Variants in CDH13 observed in about 807,000 individuals in gnomAD.
The protein encoded by CDH13 is cadherin-13.
In CDH13, 24 loss-of-function variants were observed where a neutral mutation model predicts 63.8. That is an observed-to-expected ratio of 0.38 (90% CI 0.27 to 0.53). The LOEUF (loss-of-function observed/expected upper bound fraction) is 0.53, where lower values mean the gene tolerates loss of function less well. CDH13 is among the 20% of genes least tolerant of loss of function. The pLI is 0.85. For missense variants in CDH13, 1,049 were observed against 903.1 expected (o/e 1.16, Z -2.07); for synonymous variants, 503 against 355.3 (o/e 1.42, Z -4.67).
At chr16:82,657,951 G>T (rs75049026) in intron 1 of CDH13, among the ~76,000 whole-genome samples, 2,418 of 152,296 alleles carry the variant, frequency 0.016, 40 homozygotes, top group Middle Eastern at 0.044. Context: ...CCAGGACGAT[G>T]TTGAAAAACA....
At chr16:82,874,989 AC>A (rs1410268662) in intron 2 of CDH13, among the ~76,000 whole-genome samples, 1 of 152,158 alleles carries the variant, frequency 6.6e-6, no homozygotes, top group Non-Finnish European at 1.5e-5. Context: ...ATGGGCTAGG[AC>A]CAGGCTTTTG....
At chr16:82,667,258 G>A (rs559939999) in intron 1 of CDH13, among the ~76,000 whole-genome samples, 1 of 152,136 alleles carries the variant, frequency 6.6e-6, no homozygotes, top group Non-Finnish European at 1.5e-5. Context: ...CATTTCTATC[G>A]TATTAGGGAG....
chr16:83,354,987 G>A (rs936531895), intron 6 of CDH13, among the ~76,000 whole-genome samples: 1 of 152,184 alleles, frequency 6.6e-6, no homozygotes, highest in African/African-American at 2.4e-5. Context: ...TGTAATACCT[G>A]ATCCTCTGCA....
intron 1 of CDH13, among the ~76,000 whole-genome samples, chr16:82,739,834 G>A (rs2033850666): frequency 6.6e-6 from 1 of 152,122 alleles, no homozygotes; most frequent in South Asian, 2.1e-4. Flanking sequence ...TATTCAGAAT[G>A]CAATATTGTG....
chr16:83,356,211 CATGTGT>C lies in CDH13; in HGVS notation c.781+11206_781+11211del, dbSNP rs1315661198. Among the ~76,000 whole-genome samples, 432 of 60,780 alleles carry C rather than the reference CATGTGT, an allele frequency of 7.1e-3. 4 individuals carry two copies. Among genetic ancestry groups the C allele is most frequent in the East Asian group, 0.048 (104 of 2,186 alleles). The allele number at this position is 60,780 out of a possible 152,430, so 39.9% of individuals were successfully genotyped here. A position where few individuals can be genotyped will look rare whatever the true frequency, so the allele number is the denominator to read the frequency against. On this transcript the variant is annotated intron_variant, in intron 6 of 13. Transcript: ENST00000567109. ...ACAGATGAGTGAGTTTATTTATTTT[CATGTGT>C]GTGTGTGTGTGTGTGTGTGTGTGTG...
chr16:83,544,397 C>G (rs1223803646), intron 7 of CDH13, among the ~76,000 whole-genome samples: 1 of 151,932 alleles, frequency 6.6e-6, no homozygotes, highest in African/African-American at 2.4e-5. Flanking sequence ...CCCGATAAAC[C>G]CATCGTAAGT....
chr16:83,369,294 A>T (rs1285007740), intron 6 of CDH13, among the ~76,000 whole-genome samples: 1 of 152,002 alleles, frequency 6.6e-6, no homozygotes, highest in African/African-American at 2.4e-5. Flanking sequence ...TATCTCTCCA[A>T]CAAACAAGTC....
At chr16:83,432,208 T>C (rs776922276) in intron 6 of CDH13, among the ~76,000 whole-genome samples, 1 of 152,126 alleles carries the variant, frequency 6.6e-6, no homozygotes, top group Non-Finnish European at 1.5e-5. Flanking sequence ...ATCCACAAGG[T>C]TGTCATGCAT....
intron 2 of CDH13, among the ~76,000 whole-genome samples, chr16:82,895,837 T>G (rs1441636602): frequency 6.6e-6 from 1 of 152,142 alleles, no homozygotes; most frequent in Non-Finnish European, 1.5e-5. Context: ...GTCTCTCCAG[T>G]ATCAACTTGC....
Position 82,992,124 on chromosome 16 carries a change from A to C in CDH13, c.158-39886A>C, listed in dbSNP as rs925433876. On this transcript the variant is annotated intron_variant, in intron 2 of 13. Coordinates refer to ENST00000567109, the MANE Select transcript of CDH13 (RefSeq NM_001257.5). ...CTCATTAAGGACATGACTTCCTCAT[A>C]CTTTAATAGGAAGTGGTAAACTTCA... Among the ~76,000 whole-genome samples, 6 of 152,316 alleles carry C rather than the reference A, an allele frequency of 3.9e-5. No individual in the cohort carries two copies. The East Asian group carries it at 1.2e-3, about 29-fold the overall frequency.
At position 82,912,087 on chromosome 16, in the gene CDH13, C is replaced by T. The variant is rs537213779; in HGVS notation, c.157+53614C>T. On this transcript the variant is annotated intron_variant, in intron 2 of 13. Coordinates refer to ENST00000567109, the MANE Select transcript of CDH13 (RefSeq NM_001257.5). ...GCCCCTGCCGTCTCTTCAGCCATCC[C>T]ATCCCGCCATCACCATGGAAACCTG... Among the ~76,000 whole-genome samples the T allele has an allele frequency of 3.3e-5, 5 of 152,200 alleles. No individual in the cohort carries two copies. The South Asian group carries it at 1.0e-3, about 32-fold the overall frequency.
intron 7 of CDH13, among the ~76,000 whole-genome samples, chr16:83,510,758 C>T (rs1344917295): frequency 6.6e-6 from 1 of 152,194 alleles, no homozygotes; most frequent in Non-Finnish European, 1.5e-5. Flanking sequence ...GTTTCTTTCA[C>T]CACCCACCTG....
At chr16:83,201,570 G>A (rs1395859097) in intron 4 of CDH13, among the ~76,000 whole-genome samples, 2 of 152,076 alleles carry the variant, frequency 1.3e-5, no homozygotes, top group African/African-American at 4.8e-5. Context: ...TTCAGTGTCA[G>A]AGCATAATTT....
At chr16:83,540,947 T>C (rs2075286286) in intron 7 of CDH13, among the ~76,000 whole-genome samples, 1 of 152,182 alleles carries the variant, frequency 6.6e-6, no homozygotes, top group Non-Finnish European at 1.5e-5. Flanking sequence ...AATAAAATAT[T>C]TTTATATCCA....
At position 83,776,533 on chromosome 16, in the gene CDH13, TG is replaced by T. The variant is rs1160729464; in HGVS notation, c.1682-3434del. On this transcript the variant is annotated intron_variant, in intron 11 of 13. Coordinates refer to ENST00000567109, the MANE Select transcript of CDH13 (RefSeq NM_001257.5). ...CAGACATTTATTTGAATGTTTACTCTGTAGCTGTCTTTGGGTGTTGATATAT... is the reference window on the plus strand; with the variant it reads ...CAGACATTTATTTGAATGTTTACTCTTAGCTGTCTTTGGGTGTTGATATAT... Among the ~76,000 whole-genome samples, 5 of 152,356 alleles carry T rather than the reference TG, an allele frequency of 3.3e-5. No individual in the cohort carries two copies. In the East Asian group the frequency reaches 9.6e-4, roughly 29 times the overall value.
intron 2 of CDH13, among the ~76,000 whole-genome samples, chr16:82,958,039 G>C (rs1469796779): frequency 6.6e-6 from 1 of 152,246 alleles, no homozygotes; most frequent in African/African-American, 2.4e-5. Context: ...AGGTGGGTGA[G>C]GCACCACAGC....
At chr16:83,229,924 G>A (rs2039955446) in intron 5 of CDH13, among the ~76,000 whole-genome samples, 1 of 152,158 alleles carries the variant, frequency 6.6e-6, no homozygotes, top group Non-Finnish European at 1.5e-5. Context: ...CTCGTTAAAT[G>A]ATGGCTTAGC....
chr16:83,100,718 C>A (rs1326464151), intron 3 of CDH13, among the ~76,000 whole-genome samples: 2 of 152,136 alleles, frequency 1.3e-5, no homozygotes, highest in African/African-American at 4.8e-5. Flanking sequence ...TTAGCTCAAG[C>A]CAGGTAGGAT....
At chr16:83,228,486 C>T (rs975774834) in intron 5 of CDH13, among the ~76,000 whole-genome samples, 1 of 152,186 alleles carries the variant, frequency 6.6e-6, no homozygotes, top group African/African-American at 2.4e-5. Context: ...CACACGCTAG[C>T]TGGGGCAATG....
Sources: allele counts gnomAD v4.1 joint callset (sites outside exome capture counted in the v4.1 genomes callset), GRCh38; gene constraint gnomAD v4.1.1; transcripts MANE v1.5; gene names NCBI Gene and HGNC (gene_info 2026-07-23, HGNC 2026-07-21).